The following ACOT7 variants were observed in gnomAD, a reference collection of about 807,000 sequenced individuals.
The protein encoded by ACOT7 is acyl-CoA thioesterase 7.
ACOT7 carries 12 observed loss-of-function variants against 40.2 expected under a neutral mutation model. The observed-to-expected ratio is 0.30, with a 90% CI of 0.19 to 0.48. The LOEUF is 0.48. Among genes scored for constraint, ACOT7 ranks in the 20% least tolerant of loss-of-function variants. The pLI is 0.99. For synonymous variants in ACOT7, 228 were observed against 219.5 expected, an observed-to-expected ratio of 1.04 and a Z score of -0.34; for missense variants, 395 against 530.8, an observed-to-expected ratio of 0.74 and a Z score of 2.51.
chr1:6,335,200 GC>G (rs2148439978), intron 3 of ACOT7, among the ~76,000 whole-genome samples: 1 of 151,990 alleles, frequency 6.6e-6, no homozygotes, highest in South Asian at 2.1e-4. Flanking sequence ...GCGTGGTGGT[GC>G]CTGTAATCCC....
chr1:6,375,209 G>A (rs1642204166), intron 1 of ACOT7, among the ~76,000 whole-genome samples: 2 of 148,624 alleles, frequency 1.3e-5, no homozygotes, highest in East Asian at 2.0e-4. Flanking sequence ...CTTGCAGTGA[G>A]CCAAGATCGC....
At chr1:6,393,175 G>GA (rs1168845566) in intron 1 of ACOT7, 82 bp downstream of exon 1, 1 of 1,196,428 alleles carries the variant, frequency 8.4e-7, no homozygotes. Flanking sequence ...GGCGGGTGGG[G>GA]ACCACAGAGC....
chr1:6,281,456 T>C (rs1235265530), intron 7 of ACOT7, among the ~76,000 whole-genome samples, 170 bp from the exon 8 acceptor site: 1 of 152,252 alleles, frequency 6.6e-6, no homozygotes, highest in Non-Finnish European at 1.5e-5. Context: ...TAGTTGCCCA[T>C]GAATGTTTAT....
At chr1:6,375,952 AAT>A (rs1472419743) in intron 1 of ACOT7, among the ~76,000 whole-genome samples, 148 of 131,610 alleles carry the variant, frequency 1.1e-3, no homozygotes, top group African/African-American at 4.4e-3. Flanking sequence ...AAAAAAAAAA[AAT>A]TTTTTTAAAT....
At chr1:6,295,429 A>G (rs1047838966) in intron 6 of ACOT7, 9 of 159,938 alleles carry the variant, frequency 5.6e-5, no homozygotes, top group Admixed American at 5.3e-4. Context: ...ACACAGAGGG[A>G]CCGTATAACC....
Position 6,352,672 on chromosome 1 carries a change from A to G in ACOT7, c.144-2806T>C, listed in dbSNP as rs1057391985. Among the ~76,000 whole-genome samples the G allele has an allele frequency of 6.6e-6, 1 of 151,638 alleles. No homozygotes were observed. Among genetic ancestry groups the G allele is most frequent in the African/African-American group, 2.4e-5 (1 of 41,250 alleles). ...AGTGGCACGATCTTGGCTCACCGCAAGCTCCGCCTCCTGGGTTCTCCTGCC... is the reference window on the plus strand; with the variant it reads ...AGTGGCACGATCTTGGCTCACCGCAGGCTCCGCCTCCTGGGTTCTCCTGCC... On this transcript the variant is annotated intron_variant, in intron 1 of 8. Coordinates refer to ENST00000361521, the MANE Select transcript of ACOT7 (RefSeq NM_007274.4). This position sits in a 1 kb window ranked among gnomAD's most constrained non-coding sequence, Gnocchi z 4.5.
intron 6 of ACOT7, among the ~76,000 whole-genome samples, chr1:6,298,347 C>G (rs1639871017): frequency 6.6e-6 from 1 of 152,158 alleles, no homozygotes. Flanking sequence ...GTTGACCAGG[C>G]TGGTCTCAAA....
In ACOT7 at chr1:6,294,350, A is replaced by C. The variant is rs974431937; in HGVS notation, c.829+514T>G. Among the ~76,000 whole-genome samples the C allele has an allele frequency of 2.0e-5, 3 of 152,226 alleles. No individual in the cohort carries two copies. The highest frequency in any genetic ancestry group is 4.4e-5 in the Non-Finnish European group (3 of 68,044). On this transcript the variant is annotated intron_variant, in intron 7 of 8. Coordinates refer to ENST00000361521, the MANE Select transcript of ACOT7 (RefSeq NM_007274.4). This position sits in a 1 kb window ranked among gnomAD's most constrained non-coding sequence, Gnocchi z 4.6. ...CCCAGGGACAGCTGACACCATTTCC[A>C]GGCAGGGGCCAGGTGGCTGGGGTTG...
In ACOT7 at chr1:6,358,254, A is replaced by AG. The variant is rs925126926; in HGVS notation, c.144-8389dup. On this transcript the variant is annotated intron_variant, in intron 1 of 8. Transcript: ENST00000361521. This position sits in a 1 kb window ranked among gnomAD's most constrained non-coding sequence, Gnocchi z 4.1. ...AGACACGCCACTGCATCTCCAGAAG[A>AG]GGGAAGGGTGGGAGGAAGGGCTGTG... is the stretch of plus-strand genomic sequence containing the variant. Among the ~76,000 whole-genome samples, 14 of 152,042 alleles carry AG rather than the reference A, an allele frequency of 9.2e-5. No individual in the cohort carries two copies. Among genetic ancestry groups the AG allele is most frequent in the African/African-American group, 3.4e-4 (14 of 41,402 alleles).
chr1:6,268,835 A>G (rs1015102857), intron 8 of ACOT7, among the ~76,000 whole-genome samples: 1 of 152,204 alleles, frequency 6.6e-6, no homozygotes, highest in African/African-American at 2.4e-5. Flanking sequence ...GGAGTGGAAT[A>G]GGAGTAACTT....
rs115640039 is a variant in ACOT7 at position 6,340,693 on chromosome 1, A to C, written c.262-1104T>G. Among the ~76,000 whole-genome samples, 3 of 152,074 alleles carry C rather than the reference A, an allele frequency of 2.0e-5. No homozygotes were observed. In the East Asian group the frequency reaches 5.8e-4, roughly 29 times the overall value. ...TCACCTTCTGATTCTTTTTCATTCAACGTAGGAAAAATAATCTGCCTGTGT... is the reference window on the plus strand; with the variant it reads ...TCACCTTCTGATTCTTTTTCATTCACCGTAGGAAAAATAATCTGCCTGTGT... On this transcript the variant is annotated intron_variant, in intron 2 of 8. Coordinates refer to ENST00000361521, the MANE Select transcript of ACOT7 (RefSeq NM_007274.4).
rs190763332 is a variant in ACOT7 at position 6,357,990 on chromosome 1, C to A, written c.144-8124G>T. Among the ~76,000 whole-genome samples, 92 of 152,148 alleles carry A rather than the reference C, an allele frequency of 6.0e-4. 1 individual carries two copies. Among genetic ancestry groups the A allele is most frequent in the Non-Finnish European group, 1.2e-4 (8 of 68,012 alleles). ...CAAGTGATTCTCCTACCTCAGCCTC[C>A]CAAGTAGCTGGGATTACAGGTGCGT... On this transcript the variant is annotated intron_variant, in intron 1 of 8. Coordinates refer to ENST00000361521, the MANE Select transcript of ACOT7 (RefSeq NM_007274.4).
intron 2 of ACOT7, among the ~76,000 whole-genome samples, chr1:6,341,408 C>A (rs1641273450): frequency 6.7e-6 from 1 of 149,772 alleles, no homozygotes; most frequent in Non-Finnish European, 1.5e-5. Flanking sequence ...GCTGGGATTA[C>A]AGGCGTGAGC....
intron 5 of ACOT7, among the ~76,000 whole-genome samples, chr1:6,323,794 G>A (rs1640726604): frequency 7.6e-6 from 1 of 131,632 alleles, no homozygotes; most frequent in African/African-American, 2.7e-5. Context: ...TGTATATATT[G>A]GACAAAGGAC....
At position 6,355,805 on chromosome 1, in the gene ACOT7, C is replaced by G. The variant is rs915364414; in HGVS notation, c.144-5939G>C. Reference sequence around the variant, plus strand: ...AGCGGCCCTGGGGTCCAGCCCACATCCTCGCAGGACAGCCCGAGCCTGTTC... The same window carrying G: ...AGCGGCCCTGGGGTCCAGCCCACATGCTCGCAGGACAGCCCGAGCCTGTTC... On this transcript the variant is annotated intron_variant, in intron 1 of 8. Transcript: ENST00000361521. This position sits in a 1 kb window ranked among gnomAD's most constrained non-coding sequence, Gnocchi z 5.0. Among the ~76,000 whole-genome samples the G allele has an allele frequency of 2.0e-5, 3 of 152,188 alleles. No individual in the cohort carries two copies. The highest frequency in any genetic ancestry group is 4.8e-5 in the African/African-American group (2 of 41,454).
intron 1 of ACOT7, chr1:6,385,760 C>T (rs531366332): frequency 6.1e-6 from 9 of 1,479,278 alleles, no homozygotes; most frequent in South Asian, 2.7e-5. Context: ...AGCAGTGAGC[C>T]GGTGTGATCC....
intron 6 of ACOT7, among the ~76,000 whole-genome samples, chr1:6,315,760 A>C (rs928555448): frequency 0.013 from 1,862 of 146,968 alleles, 43 homozygotes; most frequent in African/African-American, 0.044. Flanking sequence ...GTCTAAAAAA[A>C]AAAAAAAAAA....
rs1419164466 is a variant in ACOT7, at chr1:6,301,929, G to C, written c.713-6949C>G. On this transcript the variant is annotated intron_variant, in intron 6 of 8. Transcript: ENST00000361521. The surrounding 1 kb of genome is among the most constrained non-coding windows in gnomAD (Gnocchi z 4.1). ...ACGCACCGGCCTGGGAAACCACGCA[G>C]AGTTTAGATCAGCGGCAGACCTGCT... Among the ~76,000 whole-genome samples, 2 of 152,340 alleles carry C rather than the reference G, an allele frequency of 1.3e-5. No individual in the cohort carries two copies. The highest frequency in any genetic ancestry group is 2.9e-5 in the Non-Finnish European group (2 of 68,038).
chr1:6,308,516 G>A (rs1308118652), intron 6 of ACOT7, among the ~76,000 whole-genome samples: 2 of 151,972 alleles, frequency 1.3e-5, no homozygotes, highest in Non-Finnish European at 2.9e-5. Context: ...ACTACAACCG[G>A]GCAGAGGGAA....
Sources: allele counts gnomAD v4.1 joint callset (sites outside exome capture counted in the v4.1 genomes callset), GRCh38; gene constraint gnomAD v4.1.1; non-coding constraint Gnocchi (gnomAD v3.1); transcripts MANE v1.5; gene names NCBI Gene and HGNC (gene_info 2026-07-23, HGNC 2026-07-21).